PCDH15: variants seen among roughly 807,000 people sequenced by gnomAD.
The protein encoded by PCDH15 is protocadherin-15.
Under a neutral mutation model 178.5 loss-of-function variants are expected in PCDH15, and 129 were observed. That is an observed-to-expected ratio of 0.72 (90% CI 0.63 to 0.84). PCDH15 has a LOEUF of 0.84. PCDH15 is among the 40% of genes least tolerant of loss of function. PCDH15 has a pLI of 0.00. For synonymous variants in PCDH15, 800 were observed against 732.0 expected, an observed-to-expected ratio of 1.09 and a Z score of -1.50; for missense variants, 2,230 against 2,099.9, an observed-to-expected ratio of 1.06 and a Z score of -1.21.
rs190356664 is a variant in PCDH15, at chr10:54,090,181, A to G, written c.1918-118T>C. 101 of 806,614 alleles carry G rather than the reference A, an allele frequency of 1.3e-4. 1 individual carries two copies. Among genetic ancestry groups the G allele is most frequent in the East Asian group, 1.2e-3 (48 of 39,180 alleles). 50.0% of individuals were successfully genotyped at this position (806,614 alleles called of 1,614,324 possible). ...AATGTCCATGACACTGTTAAAGAAT[A>G]AAGATTAAAGCATGGCCTAATGGCA... On this transcript the variant is annotated intron_variant, in intron 15 of 37. Coordinates refer to ENST00000644397, the MANE Select transcript of PCDH15 (RefSeq NM_001384140.1).
intron 13 of PCDH15, among the ~76,000 whole-genome samples, chr10:54,159,829 G>C (rs1282573417): frequency 6.6e-6 from 1 of 152,138 alleles, no homozygotes; most frequent in African/African-American, 2.4e-5. Context: ...TCCATCAAGA[G>C]AGGACAGACT....
chr10:55,282,487 A>G (rs1413644814), intron 1 of PCDH15, among the ~76,000 whole-genome samples: 1 of 152,202 alleles, frequency 6.6e-6, no homozygotes, highest in African/African-American at 2.4e-5. Flanking sequence ...AAGTTTTAAT[A>G]ATTTGGTGAA....
At chr10:54,333,305 T>C (rs1588879062) in intron 6 of PCDH15, among the ~76,000 whole-genome samples, 1 of 152,222 alleles carries the variant, frequency 6.6e-6, no homozygotes, top group South Asian at 2.1e-4. Flanking sequence ...ATATACTTTA[T>C]CATCAATGGT....
intron 2 of PCDH15, among the ~76,000 whole-genome samples, chr10:55,513,502 T>A (rs1431235405): frequency 1.3e-5 from 2 of 152,120 alleles, no homozygotes; most frequent in Non-Finnish European, 2.9e-5. Flanking sequence ...ATGTCAGAAA[T>A]GCTTGGTTAT....
chr10:55,601,031 C>G (rs545853214), intron 2 of PCDH15, among the ~76,000 whole-genome samples: 1 of 152,036 alleles, frequency 6.6e-6, no homozygotes, highest in South Asian at 2.1e-4. Context: ...TTGCCTTTTC[C>G]ATGCCCTCCT....
chr10:55,303,471 C>T (rs975782521), intron 1 of PCDH15, among the ~76,000 whole-genome samples: 4 of 152,200 alleles, frequency 2.6e-5, no homozygotes, highest in Admixed American at 6.5e-5. Context: ...CCTTGGTAAT[C>T]GGATAAAACA....
chr10:54,053,111 G>A (rs1366507666), intron 18 of PCDH15, among the ~76,000 whole-genome samples: 1 of 152,076 alleles, frequency 6.6e-6, no homozygotes, highest in Non-Finnish European at 1.5e-5. Context: ...GAACAGACTA[G>A]TACATGTAAG....
At chr10:55,308,904 A>C (rs1056268416) in intron 1 of PCDH15, among the ~76,000 whole-genome samples, 2 of 152,236 alleles carry the variant, frequency 1.3e-5, no homozygotes, top group Non-Finnish European at 2.9e-5. Context: ...TTTGGAGGTC[A>C]GTTTGCAAGG....
At chr10:54,179,059 C>A (rs908168150) in intron 13 of PCDH15, among the ~76,000 whole-genome samples, 2 of 152,064 alleles carry the variant, frequency 1.3e-5, no homozygotes, top group East Asian at 1.9e-4. Context: ...CCAGCCATCC[C>A]ATTACTGGAT....
chr10:54,131,200 C>A (rs1017533152), intron 15 of PCDH15, among the ~76,000 whole-genome samples: 6 of 152,044 alleles, frequency 3.9e-5, no homozygotes, highest in African/African-American at 1.4e-4. Flanking sequence ...TAAAATGAAA[C>A]CTGAGCCACT....
intron 3 of PCDH15, among the ~76,000 whole-genome samples, chr10:54,825,306 C>T (rs557882641): frequency 2.0e-5 from 3 of 150,334 alleles, no homozygotes; most frequent in African/African-American, 7.4e-5. Context: ...CAAGTCTTTG[C>T]TATTGTGAAT....
intron 13 of PCDH15, among the ~76,000 whole-genome samples, chr10:54,173,042 G>T (rs917712604): frequency 2.6e-5 from 4 of 152,086 alleles, no homozygotes; most frequent in African/African-American, 9.7e-5. Flanking sequence ...AAAATGCAAG[G>T]AATTGTGATT....
intron 18 of PCDH15, among the ~76,000 whole-genome samples, chr10:54,048,882 T>C (rs189870067): frequency 2.3e-4 from 34 of 144,818 alleles, no homozygotes; most frequent in Middle Eastern, 3.6e-3. Flanking sequence ...TTCAGAACAG[T>C]TTTTTTTTTT....
At chr10:54,266,774 C>G (rs1398738555) in intron 8 of PCDH15, among the ~76,000 whole-genome samples, 1 of 151,738 alleles carries the variant, frequency 6.6e-6, no homozygotes, top group East Asian at 1.9e-4. Flanking sequence ...ACTGAACACA[C>G]CAACAATGAG....
chr10:53,906,551 T>G (rs1014852078), intron 25 of PCDH15, among the ~76,000 whole-genome samples: 17 of 152,326 alleles, frequency 1.1e-4, no homozygotes, highest in African/African-American at 4.1e-4. Context: ...AAGTTGATAT[T>G]CAATTAATTT....
intron 25 of PCDH15, among the ~76,000 whole-genome samples, chr10:53,911,835 A>G (rs2083114663): frequency 6.6e-6 from 1 of 152,210 alleles, no homozygotes; most frequent in African/African-American, 2.4e-5. Flanking sequence ...GTCCGGGACC[A>G]GACAGATTCA....
At chr10:54,238,777 A>T (rs1415386118) in intron 8 of PCDH15, among the ~76,000 whole-genome samples, 3 of 151,822 alleles carry the variant, frequency 2.0e-5, no homozygotes, top group Admixed American at 2.0e-4. Flanking sequence ...TGAAAAAAAA[A>T]TCTGAAGTTC....
intron 1 of PCDH15, among the ~76,000 whole-genome samples, chr10:54,769,293 G>A (rs1019835841): frequency 6.7e-6 from 1 of 150,296 alleles, no homozygotes; most frequent in African/African-American, 2.5e-5. Flanking sequence ...AGAATGGCAG[G>A]CATGCTTGAC....
At chr10:54,370,421 T>C (rs1325323036) in intron 4 of PCDH15, among the ~76,000 whole-genome samples, 1 of 151,944 alleles carries the variant, frequency 6.6e-6, no homozygotes, top group Non-Finnish European at 1.5e-5. Flanking sequence ...TTGTTTTGGT[T>C]TGTCTGCCTT....
Sources: allele counts gnomAD v4.1 joint callset (sites outside exome capture counted in the v4.1 genomes callset), GRCh38; gene constraint gnomAD v4.1.1; transcripts MANE v1.5; gene names NCBI Gene and HGNC (gene_info 2026-07-23, HGNC 2026-07-21).